Variants in CAMK2G observed in about 807,000 individuals in gnomAD.
The protein encoded by CAMK2G is calcium/calmodulin-dependent protein kinase type II subunit gamma.
Under a neutral mutation model 88.7 loss-of-function variants are expected in CAMK2G, and 23 were observed. That is an observed-to-expected ratio of 0.26 (90% CI 0.19 to 0.37). The LOEUF is 0.37. CAMK2G is among the 10% of genes least tolerant of loss of function. The pLI, the probability that CAMK2G is intolerant of heterozygous loss-of-function variation, is 1.00. For missense variants in CAMK2G, 476 were observed against 780.8 expected, an observed-to-expected ratio of 0.61 and a Z score of 4.65; for synonymous variants, 263 against 294.8, an observed-to-expected ratio of 0.89 and a Z score of 1.11.
At position 73,852,496 on chromosome 10, in the gene CAMK2G, T is replaced by G. The variant is rs1446863153; in HGVS notation, c.276-177A>C. 8 of 610,204 alleles carry G rather than the reference T, an allele frequency of 1.3e-5. No homozygotes were observed. In the Admixed American group the frequency reaches 1.7e-4, roughly 13 times the overall value. The allele number at this position is 610,204 out of a possible 1,614,324, so 37.8% of individuals were successfully genotyped here. A position where few individuals can be genotyped will look rare whatever the true frequency, so the allele number is the denominator to read the frequency against. On this transcript the variant is annotated intron_variant, in intron 4 of 22. Coordinates refer to ENST00000423381, the MANE Select transcript of CAMK2G (RefSeq NM_001367534.1). ...TCCTTCAGTGACACCCGGATTCTCC[T>G]TGAGGTATCATGGGCCGTCCCTTCC... is the stretch of plus-strand genomic sequence containing the variant.
At chr10:73,819,419 G>A in intron 19 of CAMK2G, 113 bp downstream of exon 19, 1 of 768,252 alleles carries the variant, frequency 1.3e-6, no homozygotes, top group South Asian at 1.5e-5. Context: ...CATGCTCCCA[G>A]AGCTTACTAC....
At chr10:73,859,479 C>T (rs936579742) in intron 3 of CAMK2G, among the ~76,000 whole-genome samples, 6 of 152,232 alleles carry the variant, frequency 3.9e-5, no homozygotes, top group African/African-American at 1.4e-4. Flanking sequence ...TCTGTGACTG[C>T]TGTTCTAGGT....
At chr10:73,852,634 G>A in intron 4 of CAMK2G, 1 of 385,330 alleles carries the variant, frequency 2.6e-6, no homozygotes, top group Admixed American at 4.1e-5. Flanking sequence ...ACAGCTTTGA[G>A]ACCAACATAA....
At chr10:73,869,014 A>C (rs1175885399) in intron 2 of CAMK2G, among the ~76,000 whole-genome samples, 1 of 152,240 alleles carries the variant, frequency 6.6e-6, no homozygotes, top group East Asian at 1.9e-4. Flanking sequence ...ATGGCCACAT[A>C]GTGGCAGACA....
At chr10:73,855,100 G>A (rs928873030) in intron 3 of CAMK2G, among the ~76,000 whole-genome samples, 3 of 152,130 alleles carry the variant, frequency 2.0e-5, no homozygotes, top group Middle Eastern at 3.4e-3. Context: ...AGGAGCCAGC[G>A]CCAGGCCCCT....
chr10:73,840,187 G>T (rs556492023), intron 12 of CAMK2G, among the ~76,000 whole-genome samples: 4 of 131,160 alleles, frequency 3.0e-5, no homozygotes, highest in Non-Finnish European at 6.3e-5. Flanking sequence ...CTTAAGGGAG[G>T]TAGCCGAGAG....
rs778605348 is a variant in CAMK2G at position 73,849,254 on chromosome 10, G to C, written c.414+7C>G. On this transcript the variant is annotated splice_region_variant and intron_variant, in intron 6 of 22. Coordinates refer to ENST00000423381, the MANE Select transcript of CAMK2G (RefSeq NM_001367534.1). ...AGCAGAGGCACGGAGGGGAGCCTGGGTAGTACCTTCAGGTCCCTGTGGACG... is the reference window on the plus strand; with the variant it reads ...AGCAGAGGCACGGAGGGGAGCCTGGCTAGTACCTTCAGGTCCCTGTGGACG... 6.2e-7 allele frequency: 1 copy of C among 1,611,422 alleles called. No individual in the cohort carries two copies. Among genetic ancestry groups the C allele is most frequent in the Non-Finnish European group, 8.5e-7 (1 of 1,177,538 alleles).
intron 1 of CAMK2G, 180 bp from the exon 2 acceptor site, chr10:73,873,263 G>A (rs951583051): frequency 8.8e-7 from 1 of 1,141,906 alleles, no homozygotes; most frequent in Non-Finnish European, 1.2e-6. Context: ...CGCGGCCACC[G>A]CAGGACACTG....
intron 2 of CAMK2G, among the ~76,000 whole-genome samples, chr10:73,865,911 C>T (rs899294524): frequency 1.3e-5 from 2 of 151,872 alleles, no homozygotes; most frequent in African/African-American, 4.8e-5. Flanking sequence ...TGCCACTTCC[C>T]GCTTTTGCAC....
At chr10:73,853,351 G>A in intron 3 of CAMK2G, 105 bp from the exon 4 acceptor site, 1 of 995,740 alleles carries the variant, frequency 1.0e-6, no homozygotes, top group South Asian at 1.4e-5. Context: ...GGGCTCACAG[G>A]GCTCTCCAGA....
chr10:73,853,121 C>T (rs1225685008), intron 4 of CAMK2G, 71 bp downstream of exon 4: 6 of 1,423,278 alleles, frequency 4.2e-6, no homozygotes, highest in Non-Finnish European at 4.0e-6. Context: ...CCTGTTTAGG[C>T]CTCTTCCTGA....
chr10:73,862,130 A>G (rs1216737661), intron 2 of CAMK2G, among the ~76,000 whole-genome samples: 7 of 152,170 alleles, frequency 4.6e-5, no homozygotes, highest in Non-Finnish European at 8.8e-5. Context: ...AGGAAGGCAG[A>G]GCTCCAGTAC....
At chr10:73,859,162 C>T (rs565400192) in intron 3 of CAMK2G, among the ~76,000 whole-genome samples, 1 of 152,334 alleles carries the variant, frequency 6.6e-6, no homozygotes, top group South Asian at 2.1e-4. Context: ...TTTTTTCTTC[C>T]TGTTCTGGAA....
intron 1 of CAMK2G, 52 bp from the exon 2 acceptor site, chr10:73,873,135 C>A (rs747935068): frequency 3.9e-6 from 5 of 1,275,796 alleles, no homozygotes; most frequent in Non-Finnish European, 4.6e-6. Context: ...CAGAGTGACA[C>A]AGACACACTT....
intron 1 of CAMK2G, 113 bp from the exon 2 acceptor site, chr10:73,873,196 C>T (rs1322196163): frequency 9.3e-6 from 9 of 967,186 alleles, no homozygotes; most frequent in South Asian, 6.5e-5. Context: ...GTCACACTCA[C>T]GTACATGCAC....
chr10:73,867,693 G>A (rs1261813247), intron 2 of CAMK2G, among the ~76,000 whole-genome samples: 1 of 152,160 alleles, frequency 6.6e-6, no homozygotes, highest in African/African-American at 2.4e-5. Flanking sequence ...ACGGGAATGG[G>A]GCCTCAGCCA....
At chr10:73,825,970 C>G (rs567901021) in intron 15 of CAMK2G, among the ~76,000 whole-genome samples, 9 of 152,298 alleles carry the variant, frequency 5.9e-5, no homozygotes, top group African/African-American at 2.2e-4. Context: ...TCTGACAAAT[C>G]TTAGGCCTGA....
intron 18 of CAMK2G, among the ~76,000 whole-genome samples, chr10:73,820,006 G>A (rs1172925940): frequency 6.6e-6 from 1 of 152,304 alleles, no homozygotes; most frequent in African/African-American, 2.4e-5. Context: ...CAGCAGTGCC[G>A]GAATCAAAAC....
chr10:73,859,290 G>A (rs963556238), intron 3 of CAMK2G, among the ~76,000 whole-genome samples: 13 of 152,240 alleles, frequency 8.5e-5, no homozygotes, highest in Non-Finnish European at 2.9e-5. Flanking sequence ...GGCAGCCACC[G>A]CTCCTCACAG....
Sources: gnomAD v4.1 joint callset for allele counts (sites outside exome capture counted in the v4.1 genomes callset) on GRCh38, gnomAD v4.1.1 for gene constraint, MANE v1.5 for transcripts, NCBI Gene and HGNC (gene_info 2026-07-23, HGNC 2026-07-21) for gene names.